The following KDM6A variants were observed in gnomAD, a reference collection of about 807,000 sequenced individuals.
KDM6A encodes lysine demethylase 6A.
A neutral mutation model predicts 117.6 loss-of-function variants in KDM6A; 11 were observed. The ratio of observed to expected loss-of-function variants is 0.09; its 90% CI spans 0.06 to 0.15. KDM6A has a LOEUF of 0.15. Among genes scored for constraint, KDM6A ranks in the 10% least tolerant of loss-of-function variants. KDM6A has a pLI of 1.00. For missense variants in KDM6A, 799 were observed against 1,077.3 expected (o/e 0.74, Z 3.62); for synonymous variants, 384 against 396.1 (o/e 0.97, Z 0.36).
intron 2 of KDM6A, among the ~76,000 whole-genome samples, chrX:44,875,345 A>T (rs2031396013): frequency 8.9e-6 from 1 of 111,964 alleles, no homozygotes; most frequent in South Asian, 3.6e-4. Context: ...TTTTTATTTC[A>T]AAGTAATTAT....
chrX:45,026,325 G>A lies in KDM6A; in HGVS notation c.564+5595G>A, dbSNP rs188111520. 7.2e-5 allele frequency among the ~76,000 whole-genome samples: 8 copies of A among 111,350 alleles called. No homozygotes were observed. In the Admixed American group the frequency reaches 7.6e-4, roughly 11 times the overall value. ...TCTTCTTTAGGAACTACTTCATTAC[G>A]AGGTGTCTCATTTGATCTTCTACCC... On this transcript the variant is annotated intron_variant, in intron 6 of 29. Coordinates refer to ENST00000611820, the MANE Select transcript of KDM6A (RefSeq NM_001291415.2).
chrX:45,067,650 T>C lies in KDM6A; in HGVS notation c.2080-1929T>C, dbSNP rs187442163. On this transcript the variant is annotated intron_variant, in intron 17 of 29. Transcript: ENST00000611820. ...CACACTCACTGGTGTGTATCTTTTTTTTGTTTTTTTTTTTTTTTTTGAGAT... is the reference window on the plus strand; with the variant it reads ...CACACTCACTGGTGTGTATCTTTTTCTTGTTTTTTTTTTTTTTTTTGAGAT... Among the ~76,000 whole-genome samples, 8 of 96,572 alleles carry C rather than the reference T, an allele frequency of 8.3e-5. No individual in the cohort carries two copies. In the East Asian group the frequency reaches 2.0e-3, roughly 25 times the overall value. The allele number at this position is 96,572 out of a possible 115,157, so 83.9% of individuals were successfully genotyped here.
chrX:44,967,164 C>A (rs1048618558), intron 3 of KDM6A, among the ~76,000 whole-genome samples: 1 of 111,755 alleles, frequency 8.9e-6, no homozygotes, highest in Non-Finnish European at 1.9e-5. Flanking sequence ...GCCACCGCAC[C>A]TGGCTAAAAT....
intron 29 of KDM6A, 26 bp downstream of exon 29, chrX:45,110,275 A>G (rs1378837581): frequency 5.2e-6 from 6 of 1,159,341 alleles, no homozygotes. Flanking sequence ...ATGTGAGTAC[A>G]TAGTTAGCTG....
At chrX:44,885,106 T>C (rs777888010) in intron 2 of KDM6A, among the ~76,000 whole-genome samples, 1 of 107,919 alleles carries the variant, frequency 9.3e-6, no homozygotes, top group Admixed American at 1.0e-4. Flanking sequence ...TGATCACTGC[T>C]CACTACAGCC....
At chrX:45,107,237 G>T in intron 27 of KDM6A, 173 bp from the exon 28 acceptor site, 1 of 476,584 alleles carries the variant, frequency 2.1e-6, no homozygotes. Context: ...CAGGCCTGCT[G>T]AGCATTGTCA....
At chrX:44,988,094 G>T (rs2040346870) in intron 4 of KDM6A, among the ~76,000 whole-genome samples, 1 of 111,785 alleles carries the variant, frequency 8.9e-6, no homozygotes, top group African/African-American at 3.3e-5. Context: ...TTTCTTGCAG[G>T]CTTTGTTCGT....
intron 5 of KDM6A, among the ~76,000 whole-genome samples, chrX:45,012,349 C>T (rs978523022): frequency 3.9e-4 from 42 of 108,026 alleles, no homozygotes; most frequent in African/African-American, 1.2e-3. Context: ...TACAGGCGCC[C>T]GCCACCATGC....
intron 21 of KDM6A, among the ~76,000 whole-genome samples, chrX:45,081,021 C>T (rs1023927174): frequency 8.9e-6 from 1 of 112,088 alleles, no homozygotes; most frequent in Non-Finnish European, 1.9e-5. Context: ...CAACCTCCGC[C>T]TCCCAGGTTC....
chrX:44,881,952 T>C (rs1478875529), intron 2 of KDM6A, among the ~76,000 whole-genome samples: 1 of 111,074 alleles, frequency 9.0e-6, no homozygotes, highest in Non-Finnish European at 1.9e-5. Flanking sequence ...CCTCCTGAAG[T>C]GCTGGGATTA....
At position 44,932,573 on chromosome X, in the gene KDM6A, C is replaced by T. The variant is rs145337910; in HGVS notation, c.226-28711C>T. 8.5e-3 allele frequency among the ~76,000 whole-genome samples: 952 copies of T among 111,641 alleles called. 10 individuals are homozygous for T. The highest frequency in any genetic ancestry group is 0.03 in the African/African-American group (916 of 30,724). On this transcript the variant is annotated intron_variant, in intron 2 of 29. Transcript: ENST00000611820. ...AAAAACTTTTTTCTCCTTTCAGTTTCTTTGACATACCAAGGTCTCTTGATT... is the reference window on the plus strand; with the variant it reads ...AAAAACTTTTTTCTCCTTTCAGTTTTTTTGACATACCAAGGTCTCTTGATT...
chrX:45,068,896 G>A (rs763728390), intron 17 of KDM6A, among the ~76,000 whole-genome samples: 1 of 102,654 alleles, frequency 9.7e-6, no homozygotes, highest in African/African-American at 3.6e-5. Context: ...GAGTCTCATT[G>A]TGTTGCCCAG....
At chrX:44,992,443 C>T (rs1053472332) in intron 4 of KDM6A, among the ~76,000 whole-genome samples, 3 of 108,906 alleles carry the variant, frequency 2.8e-5, no homozygotes, top group African/African-American at 1.0e-4. Context: ...AGGCTGGTCC[C>T]GAACTCCCAG....
At chrX:45,070,885 A>G (rs1174535861) in intron 18 of KDM6A, among the ~76,000 whole-genome samples, 3 of 110,975 alleles carry the variant, frequency 2.7e-5, no homozygotes, top group Admixed American at 9.6e-5. Flanking sequence ...GTGGAGAGAC[A>G]TGACAGACTG....
chrX:45,061,483 A>ATTTTT (rs1161774144), intron 15 of KDM6A, 64 bp downstream of exon 15: 169 of 234,342 alleles, frequency 7.2e-4, no homozygotes, highest in African/African-American at 1.4e-3. Flanking sequence ...ACAAGTATTA[A>ATTTTT]TTTTTTTTTT....
At position 45,037,677 on chromosome X, in the gene KDM6A, A is replaced by G. The variant is rs145942361; in HGVS notation, c.642A>G (p.Leu214=). The G allele has an allele frequency of 3.7e-5, 45 of 1,200,414 alleles. No individual in the cohort carries two copies. Among genetic ancestry groups the G allele is most frequent in the Non-Finnish European group, 4.8e-5 (43 of 887,240 alleles). Residue 214 remains leucine, a synonymous_variant, in exon 8 of 30, where the codon TTA becomes TTG. Transcript: ENST00000611820. ...CAGTTCAATTTCACATTGCCCACTTATATGAAACCCAGGTAAGTATTTTAA... is the reference window on the plus strand; with the variant it reads ...CAGTTCAATTTCACATTGCCCACTTGTATGAAACCCAGGTAAGTATTTTAA... The part of the protein sequence containing the change: ...NAEIQFHIAH[L]YETQRKYHSA...
intron 4 of KDM6A, among the ~76,000 whole-genome samples, chrX:45,010,319 T>G (rs1403640750): frequency 9.3e-6 from 1 of 107,515 alleles, no homozygotes; most frequent in Non-Finnish European, 1.9e-5. Flanking sequence ...AGACCTTGTC[T>G]CTTTAAAAAA....
At chrX:45,036,421 CTA>C (rs766465957) in intron 7 of KDM6A, among the ~76,000 whole-genome samples, 10 of 112,019 alleles carry the variant, frequency 8.9e-5, no homozygotes, top group Non-Finnish European at 1.9e-4. Context: ...CATACTTTTA[CTA>C]AAGGTAATTT....
At chrX:44,950,962 C>T (rs1331009442) in intron 2 of KDM6A, among the ~76,000 whole-genome samples, 1 of 110,105 alleles carries the variant, frequency 9.1e-6, no homozygotes, top group Non-Finnish European at 1.9e-5. Context: ...AACTTTCTAC[C>T]TCATTACAGA....
Sources: gnomAD v4.1 joint callset for allele counts (sites outside exome capture counted in the v4.1 genomes callset) on GRCh38, gnomAD v4.1.1 for gene constraint, MANE v1.5 for transcripts, NCBI Gene and HGNC (gene_info 2026-07-23, HGNC 2026-07-21) for gene names.